RANBP2: variants seen among roughly 807,000 people sequenced by gnomAD.
The protein encoded by RANBP2 is RAN binding protein 2.
In RANBP2, 57 loss-of-function variants were observed where a neutral mutation model predicts 303.6. The observed-to-expected ratio is 0.19, with a 90% confidence interval of 0.15 to 0.23. The LOEUF (loss-of-function observed/expected upper bound fraction) is 0.23, where lower values mean the gene tolerates loss of function less well. Ranked by LOEUF, RANBP2 falls within the 10% of genes least tolerant of loss-of-function variation. The pLI is 1.00. For synonymous variants in RANBP2, 1,167 were observed against 1,301.5 expected (o/e 0.90, Z 2.23); for missense variants, 3,138 against 3,780.8 (o/e 0.83, Z 4.46).
the RANBP2 span, among the ~76,000 whole-genome samples, chr2:109,082,823 G>A: frequency 4.1e-5 from 5 of 122,010 alleles, no homozygotes; most frequent in Non-Finnish European, 7.5e-5. Context: ...AAGACCCCAT[G>A]TCTTTTTTTT....
intron 20 of RANBP2, among the ~76,000 whole-genome samples, chr2:108,770,656 C>T (rs562875314): frequency 8.1e-4 from 123 of 151,564 alleles, no homozygotes; most frequent in African/African-American, 2.8e-3. Flanking sequence ...TTTCTAGTAG[C>T]CATATTAAAA....
the RANBP2 span, among the ~76,000 whole-genome samples, chr2:109,541,790 A>C: frequency 2.6e-5 from 4 of 152,172 alleles, no homozygotes; most frequent in South Asian, 8.3e-4. Flanking sequence ...GATCTGTGAG[A>C]GGCAGACACC....
the RANBP2 span, chr2:109,398,732 T>G: frequency 6.2e-7 from 1 of 1,613,242 alleles, no homozygotes; most frequent in Non-Finnish European, 8.5e-7. Context: ...TCAGGGGCGG[T>G]CAGTGCCTTT....
the RANBP2 span, among the ~76,000 whole-genome samples, chr2:109,687,026 A>C: frequency 6.6e-6 from 1 of 152,246 alleles, no homozygotes; most frequent in Non-Finnish European, 1.5e-5. Flanking sequence ...ATGCCTATGT[A>C]AATAAAATAA....
chr2:108,836,143 CTTA>C, the RANBP2 span, among the ~76,000 whole-genome samples: 1 of 152,132 alleles, frequency 6.6e-6, no homozygotes, highest in Non-Finnish European at 1.5e-5. Flanking sequence ...AACCATAGCG[CTTA>C]TTAAATAACA....
the RANBP2 span, among the ~76,000 whole-genome samples, chr2:109,567,151 T>C: frequency 4.6e-5 from 7 of 152,280 alleles, no homozygotes; most frequent in East Asian, 1.4e-3. Context: ...ACATCATTTA[T>C]CCCTCACAAC....
At chr2:109,676,136 A>T in the RANBP2 span, among the ~76,000 whole-genome samples, 1 of 152,218 alleles carries the variant, frequency 6.6e-6, no homozygotes, top group African/African-American at 2.4e-5. Context: ...CTGGTAGGAC[A>T]AGAGCCAGAG....
the RANBP2 span, among the ~76,000 whole-genome samples, chr2:109,236,304 G>A: frequency 6.6e-6 from 1 of 152,118 alleles, no homozygotes; most frequent in Non-Finnish European, 1.5e-5. Flanking sequence ...ATGCAGTGTC[G>A]GGGCAGGGGA....
the RANBP2 span, among the ~76,000 whole-genome samples, chr2:109,012,984 T>C: frequency 1.3e-5 from 2 of 152,146 alleles, no homozygotes; most frequent in African/African-American, 4.8e-5. Context: ...GAAAAGTGGC[T>C]ACAACCTGCC....
chr2:108,749,566 G>A (rs973750582), intron 9 of RANBP2, among the ~76,000 whole-genome samples: 10 of 151,876 alleles, frequency 6.6e-5, no homozygotes, highest in African/African-American at 2.2e-4. Context: ...CCAAAGTGCT[G>A]GGATTACAGG....
chr2:109,024,885 T>C, the RANBP2 span, among the ~76,000 whole-genome samples: 2 of 152,230 alleles, frequency 1.3e-5, no homozygotes, highest in African/African-American at 4.8e-5. Context: ...ATTGACCATA[T>C]TAGCCACTGT....
chr2:108,933,493 G>T, the RANBP2 span, among the ~76,000 whole-genome samples: 1 of 152,174 alleles, frequency 6.6e-6, no homozygotes, highest in East Asian at 1.9e-4. Flanking sequence ...GTCTTTCCTT[G>T]GGTCTCGGCT....
the RANBP2 span, among the ~76,000 whole-genome samples, chr2:109,118,015 C>G: frequency 6.6e-6 from 1 of 152,156 alleles, no homozygotes; most frequent in Non-Finnish European, 1.5e-5. Context: ...TTGCGCCACC[C>G]TGGTGCTCAG....
the RANBP2 span, among the ~76,000 whole-genome samples, chr2:109,565,048 C>A: frequency 6.6e-6 from 1 of 152,178 alleles, no homozygotes; most frequent in Admixed American, 6.5e-5. Flanking sequence ...AGTGAACACA[C>A]TTACATGATC....
intron 1 of RANBP2, 39 bp downstream of exon 1, chr2:108,719,717 C>G (rs1694057757): frequency 1.3e-6 from 2 of 1,561,660 alleles, no homozygotes; most frequent in Non-Finnish European, 1.7e-6. Flanking sequence ...CTCGACCTGG[C>G]CGGGCGGCGG....
At chr2:109,463,392 C>A in the RANBP2 span, among the ~76,000 whole-genome samples, 1 of 152,168 alleles carries the variant, frequency 6.6e-6, no homozygotes, top group South Asian at 2.1e-4. Flanking sequence ...GCTCTGGGAC[C>A]CAGTCACTTC....
At chr2:108,719,826 G>A in intron 1 of RANBP2, 148 bp downstream of exon 1, 1 of 1,443,130 alleles carries the variant, frequency 6.9e-7, no homozygotes, top group Non-Finnish European at 9.1e-7. Context: ...GGGCGGCGTG[G>A]CGCTTGCAAG....
the RANBP2 span, among the ~76,000 whole-genome samples, chr2:109,029,080 C>A: frequency 2.0e-5 from 3 of 151,652 alleles, no homozygotes; most frequent in Non-Finnish European, 4.4e-5. Context: ...GCACTGTGCC[C>A]GGCCTATGTG....
the RANBP2 span, among the ~76,000 whole-genome samples, chr2:109,275,569 A>C: frequency 6.6e-6 from 1 of 152,070 alleles, no homozygotes; most frequent in African/African-American, 2.4e-5. Context: ...GCTGATGAGC[A>C]CTCAAAAGAG....
Sources: allele counts gnomAD v4.1 joint callset (sites outside exome capture counted in the v4.1 genomes callset), GRCh38; gene constraint gnomAD v4.1.1; transcripts MANE v1.5; gene names NCBI Gene and HGNC (gene_info 2026-07-23, HGNC 2026-07-21).